LMTK2: variants seen among roughly 807,000 people sequenced by gnomAD.
LMTK2 encodes the protein serine/threonine-protein kinase LMTK2.
A neutral mutation model predicts 127.5 loss-of-function variants in LMTK2; 37 were observed. The observed-to-expected ratio is 0.29, with a 90% confidence interval of 0.22 to 0.38. LMTK2 has a LOEUF of 0.38. Ranked by LOEUF, LMTK2 falls within the 10% of genes least tolerant of loss-of-function variation. LMTK2 has a pLI of 1.00. For missense variants in LMTK2, 1,694 were observed against 1,920.3 expected (o/e 0.88, Z 2.20); for synonymous variants, 819 against 810.1 (o/e 1.01, Z -0.19).
chr7:98,160,697 T>A (rs1023121534), intron 6 of LMTK2, among the ~76,000 whole-genome samples: 3 of 152,158 alleles, frequency 2.0e-5, no homozygotes, highest in African/African-American at 7.2e-5. Flanking sequence ...TTGAGTCAGT[T>A]TTCTGTTGGT....
intron 1 of LMTK2, among the ~76,000 whole-genome samples, chr7:98,110,149 G>C (rs1796181134): frequency 6.6e-6 from 1 of 152,106 alleles, no homozygotes; most frequent in South Asian, 2.1e-4. Flanking sequence ...GTGCCTTAGA[G>C]AAAGCATGCA....
Position 98,192,995 on chromosome 7 carries a change from T to G in LMTK2, c.2530T>G (p.Cys844Gly). Residue 844 changes from cysteine to glycine, a missense_variant, in exon 11 of 14, where the codon TGT (cysteine) becomes GGT (glycine). Physicochemically the swap from Cys to Gly is radical, Grantham distance 159. This residue lies in a region of LMTK2 where 527 missense variants were observed against 539.8 expected (regional missense o/e 0.98). Transcript: ENST00000297293. ...LPTQGETQPT[C>G]LDVIVPEDCL... ...AACACAGGGAGAAACCCAGCCCACGTGTTTAGATGTTATTGTCCCGGAGGA... is the reference window on the plus strand; with the variant it reads ...AACACAGGGAGAAACCCAGCCCACGGGTTTAGATGTTATTGTCCCGGAGGA... The G allele has an allele frequency of 6.2e-7, 1 of 1,614,022 alleles. No individual in the cohort carries two copies. Among genetic ancestry groups the G allele is most frequent in the African/African-American group, 1.3e-5 (1 of 75,038 alleles).
In LMTK2 at chr7:98,209,573, A is replaced by C. The variant is rs1797860862; in HGVS notation, c.*4081A>C. On this transcript the variant is annotated 3_prime_UTR_variant, in exon 14 of 14. Transcript: ENST00000297293. ...TATTGATGCATAGTGTGATTCAATA[A>C]ATTGCTTGTAATTTAAAAACTATTT... is the stretch of plus-strand genomic sequence containing the variant. 1 of 152,216 alleles carries C rather than the reference A, an allele frequency of 6.6e-6. No homozygotes were observed. Among genetic ancestry groups the C allele is most frequent in the Admixed American group, 6.5e-5 (1 of 15,286 alleles). The allele number at this position is 152,216 out of a possible 1,614,324, so 9.4% of individuals were successfully genotyped here.
Position 98,192,240 on chromosome 7 carries a change from T to C in LMTK2, c.1775T>C (p.Leu592Pro). 4 of 1,524,812 alleles carry C rather than the reference T, an allele frequency of 2.6e-6. No individual in the cohort carries two copies. Among genetic ancestry groups the C allele is most frequent in the Non-Finnish European group, 3.5e-6 (4 of 1,140,386 alleles). The allele number at this position is 1,524,812 out of a possible 1,614,324, so 94.5% of individuals were successfully genotyped here. A position where few individuals can be genotyped will look rare whatever the true frequency, so the allele number is the denominator to read the frequency against. The change falls in exon 11 of 14, where the codon CTC becomes CCC. Residue 592 changes from leucine (L) to proline (P), a missense_variant. By Grantham distance (98) the Leu-to-Pro change is moderately conservative (BLOSUM62 -3). Transcript: ENST00000297293. ...TGPELSQLTALRSVELEESST... is the reference protein window; with the variant it reads ...TGPELSQLTAPRSVELEESST... Reference sequence around the variant, plus strand: ...CCTGAACTGTCCCAGCTCACGGCGCTCAGGAGCGTTGAACTTGAGGAGTCC... The same window carrying C: ...CCTGAACTGTCCCAGCTCACGGCGCCCAGGAGCGTTGAACTTGAGGAGTCC...
chr7:98,112,512 C>T (rs1796216653), intron 1 of LMTK2, among the ~76,000 whole-genome samples: 1 of 152,188 alleles, frequency 6.6e-6, no homozygotes, highest in African/African-American at 2.4e-5. Flanking sequence ...GTGGCACTGG[C>T]CACAAGTTAA....
intron 1 of LMTK2, among the ~76,000 whole-genome samples, chr7:98,114,501 T>C (rs1438284775): frequency 6.6e-6 from 1 of 152,132 alleles, no homozygotes; most frequent in Non-Finnish European, 1.5e-5. Flanking sequence ...CACCTCAGCC[T>C]CCCAAAGTGC....
chr7:98,204,334 A>AGCTGATGATGGGAGTT, intron 13 of LMTK2, 148 bp downstream of exon 13: 6 of 1,073,118 alleles, frequency 5.6e-6, no homozygotes, highest in Non-Finnish European at 7.9e-6. Context: ...TAAAACTCCC[A>AGCTGATGATGGGAGTT]TCATCAGCTG....
At chr7:98,135,391 C>T (rs181827483) in intron 1 of LMTK2, among the ~76,000 whole-genome samples, 56 of 152,242 alleles carry the variant, frequency 3.7e-4, no homozygotes, top group African/African-American at 1.2e-3. Flanking sequence ...CAGCTCACTG[C>T]AGCCTCCTCC....
intron 11 of LMTK2, among the ~76,000 whole-genome samples, chr7:98,196,812 G>A (rs772238116): frequency 1.3e-5 from 2 of 152,202 alleles, no homozygotes; most frequent in South Asian, 4.1e-4. Flanking sequence ...TAATGGACGC[G>A]AGGCTTTGAC....
chr7:98,122,019 T>A (rs1796369043), intron 1 of LMTK2, among the ~76,000 whole-genome samples: 1 of 152,100 alleles, frequency 6.6e-6, no homozygotes, highest in Admixed American at 6.5e-5. Context: ...AAAAAAAAAA[T>A]TGTAAAAACA....
At chr7:98,122,398 T>G (rs1170967725) in intron 1 of LMTK2, among the ~76,000 whole-genome samples, 1 of 152,188 alleles carries the variant, frequency 6.6e-6, no homozygotes, top group Non-Finnish European at 1.5e-5. Context: ...CCGCAACTGC[T>G]GTAGGTCCCA....
Position 98,171,661 on chromosome 7 carries a change from C to T in LMTK2, c.778C>T (p.His260Tyr). The T allele has an allele frequency of 1.3e-6, 2 of 1,590,122 alleles. No homozygotes were observed. Among genetic ancestry groups the T allele is most frequent in the East Asian group, 2.2e-5 (1 of 44,760 alleles). Residue 260 changes from histidine (H) to tyrosine (Y), a missense_variant, in exon 7 of 14, where the codon CAC (histidine) becomes TAC (tyrosine). Physicochemically the swap from His to Tyr is moderately conservative, Grantham distance 83. Coordinates refer to ENST00000297293, the MANE Select transcript of LMTK2 (RefSeq NM_014916.4). The surrounding 1 kb of genome is among the most constrained non-coding windows in gnomAD (Gnocchi z 5.1). ...AAGLAAMHKL[H>Y]FLHSDLALRN... ...GGGGCTGGCCGCCATGCACAAGCTG[C>T]ACTTCCTGCACAGGTGGGTACCTGC...
chr7:98,145,948 C>G (rs537774692), intron 3 of LMTK2, among the ~76,000 whole-genome samples: 185 of 152,232 alleles, frequency 1.2e-3, no homozygotes, highest in African/African-American at 4.3e-3. Context: ...ATAGTTTTAG[C>G]TCTTGCTCCT....
intron 6 of LMTK2, among the ~76,000 whole-genome samples, chr7:98,163,908 G>A (rs1056049696): frequency 1.3e-5 from 2 of 152,214 alleles, no homozygotes; most frequent in Non-Finnish European, 2.9e-5. Context: ...GTGAAGGACC[G>A]GCTATCGCTG....
intron 7 of LMTK2, among the ~76,000 whole-genome samples, chr7:98,179,757 G>A (rs1797327463): frequency 6.6e-6 from 1 of 152,162 alleles, no homozygotes; most frequent in African/African-American, 2.4e-5. Context: ...TTCCCAGGCA[G>A]TTCAGCAGGC....
chr7:98,110,449 T>C (rs1304218255), intron 1 of LMTK2, among the ~76,000 whole-genome samples: 1 of 152,146 alleles, frequency 6.6e-6, no homozygotes, highest in Non-Finnish European at 1.5e-5. Flanking sequence ...CTTGTTGTTA[T>C]GTAGACTAAG....
rs578221655 is a variant in LMTK2 at position 98,150,008 on chromosome 7, G to A, written c.377-1374G>A. 2.6e-5 allele frequency among the ~76,000 whole-genome samples: 4 copies of A among 152,266 alleles called. No individual in the cohort carries two copies. The South Asian group carries it at 6.2e-4, about 24-fold the overall frequency. On this transcript the variant is annotated intron_variant, in intron 3 of 13. Coordinates refer to ENST00000297293, the MANE Select transcript of LMTK2 (RefSeq NM_014916.4). ...CACCTCAGAAGATATACAGATGGCA[G>A]GTAGGCAAGTGAAAAGGGACTTGAT...
chr7:98,127,356 T>C (rs1262876446), intron 1 of LMTK2, among the ~76,000 whole-genome samples: 1 of 152,212 alleles, frequency 6.6e-6, no homozygotes, highest in Non-Finnish European at 1.5e-5. Context: ...GTTTTAGAGA[T>C]GGGCTTTATG....
intron 8 of LMTK2, 30 bp from the exon 9 acceptor site, chr7:98,186,847 C>A: frequency 1.3e-6 from 2 of 1,597,936 alleles, no homozygotes; most frequent in South Asian, 1.1e-5. Context: ...TAATTCTATT[C>A]AAAATTCTGT....
Sources: gnomAD v4.1 joint callset for allele counts (sites outside exome capture counted in the v4.1 genomes callset) on GRCh38, gnomAD v4.1.1 for gene constraint, gnomAD v4.1.1 regional missense constraint, Gnocchi (gnomAD v3.1) non-coding constraint, MANE v1.5 for transcripts, NCBI Gene and HGNC (gene_info 2026-07-23, HGNC 2026-07-21) for gene names.